PCDH9: variants seen among roughly 807,000 people sequenced by gnomAD.
The protein encoded by PCDH9 is protocadherin 9.
PCDH9 carries 24 observed loss-of-function variants against 70.6 expected under a neutral mutation model. The ratio of observed to expected loss-of-function variants is 0.34; its 90% CI spans 0.25 to 0.48. PCDH9 has a LOEUF of 0.48. PCDH9 is among the 20% of genes least tolerant of loss of function. The probability of loss-of-function intolerance (pLI) is 0.99; values close to 1 mark genes in which losing one functional copy is unlikely to be tolerated. For missense variants in PCDH9, 1,281 were observed against 1,503.6 expected (o/e 0.85, Z 2.45); for synonymous variants, 562 against 558.5 (o/e 1.01, Z -0.09).
At chr13:66,766,387 A>C (rs2079718526) in intron 3 of PCDH9, among the ~76,000 whole-genome samples, 1 of 152,030 alleles carries the variant, frequency 6.6e-6, no homozygotes, top group African/African-American at 2.4e-5. Flanking sequence ...TATAAGATAC[A>C]TCCAATCATT....
chr13:66,479,622 C>G (rs532819180), intron 4 of PCDH9, among the ~76,000 whole-genome samples: 1 of 150,464 alleles, frequency 6.6e-6, no homozygotes, highest in South Asian at 2.1e-4. Context: ...AATCAGCACT[C>G]TGTGTCTAGC....
chr13:67,141,454 A>T lies in PCDH9; in HGVS notation c.3036+83951T>A, dbSNP rs7337249. ...CTCTCTTTATTTTATTATTATTATT[A>T]TTTTTAGATGGAGTCTAGCTCTGTA... On this transcript the variant is annotated intron_variant, in intron 2 of 4. Coordinates refer to ENST00000377865, the MANE Select transcript of PCDH9 (RefSeq NM_203487.3). 6.7e-3 allele frequency among the ~76,000 whole-genome samples: 1,018 copies of T among 151,486 alleles called. 14 individuals carry two copies. The highest frequency in any genetic ancestry group is 0.023 in the African/African-American group (968 of 41,284).
chr13:66,588,889 C>G (rs1045542488), intron 4 of PCDH9, among the ~76,000 whole-genome samples: 8 of 150,044 alleles, frequency 5.3e-5, no homozygotes, highest in African/African-American at 1.7e-4. Flanking sequence ...ATTACGAGAA[C>G]TTTTTAAAAA....
intron 2 of PCDH9, among the ~76,000 whole-genome samples, chr13:67,099,198 G>A (rs141398294): frequency 6.6e-6 from 1 of 152,308 alleles, no homozygotes; most frequent in East Asian, 1.9e-4. Flanking sequence ...TTATCTTGAT[G>A]TTCCAGTTCT....
chr13:66,391,013 T>A (rs1375373182), intron 4 of PCDH9, among the ~76,000 whole-genome samples: 1 of 152,146 alleles, frequency 6.6e-6, no homozygotes, highest in East Asian at 1.9e-4. Flanking sequence ...TTTCAGTCCT[T>A]TTAGAAAATA....
intron 2 of PCDH9, among the ~76,000 whole-genome samples, chr13:66,942,180 A>G (rs575704142): frequency 1.3e-5 from 2 of 152,050 alleles, no homozygotes; most frequent in East Asian, 3.9e-4. Context: ...ACTTTTAGAA[A>G]CATTTATACC....
intron 3 of PCDH9, among the ~76,000 whole-genome samples, chr13:66,900,621 T>C (rs1003052671): frequency 6.6e-6 from 1 of 151,730 alleles, no homozygotes; most frequent in African/African-American, 2.4e-5. Context: ...AAATTAAGAG[T>C]GATAGGTTAA....
At chr13:66,360,823 T>C (rs759880110) in intron 4 of PCDH9, among the ~76,000 whole-genome samples, 3 of 152,026 alleles carry the variant, frequency 2.0e-5, no homozygotes, top group Non-Finnish European at 4.4e-5. Flanking sequence ...TTCTAACAGT[T>C]CTTTTAAGCT....
intron 3 of PCDH9, among the ~76,000 whole-genome samples, chr13:66,744,691 G>T (rs2079331272): frequency 6.6e-6 from 1 of 151,870 alleles, no homozygotes; most frequent in African/African-American, 2.4e-5. Flanking sequence ...ACACAAGAAA[G>T]AAATTCAGGT....
chr13:66,387,373 T>A (rs759679777), intron 4 of PCDH9, among the ~76,000 whole-genome samples: 5 of 152,062 alleles, frequency 3.3e-5, no homozygotes, highest in Non-Finnish European at 7.4e-5. Flanking sequence ...TCTGATATAG[T>A]TGGATATTTG....
At chr13:66,911,002 C>A (rs1212788460) in intron 2 of PCDH9, among the ~76,000 whole-genome samples, 1 of 152,054 alleles carries the variant, frequency 6.6e-6, no homozygotes, top group East Asian at 1.9e-4. Flanking sequence ...AGTTATATTC[C>A]CAAAATAAAT....
At chr13:66,687,746 T>TGG (rs2078424803) in intron 3 of PCDH9, among the ~76,000 whole-genome samples, 2 of 152,124 alleles carry the variant, frequency 1.3e-5, no homozygotes, top group African/African-American at 4.8e-5. Context: ...CCATATCTAC[T>TGG]GACACCACCA....
chr13:66,931,714 A>G (rs1254087545), intron 2 of PCDH9, among the ~76,000 whole-genome samples: 1 of 152,124 alleles, frequency 6.6e-6, no homozygotes, highest in African/African-American at 2.4e-5. Flanking sequence ...TGCCTGTGTC[A>G]AGTCCTCAAC....
intron 4 of PCDH9, among the ~76,000 whole-genome samples, chr13:66,469,577 C>A (rs1346463910): frequency 6.6e-6 from 1 of 152,070 alleles, no homozygotes; most frequent in Non-Finnish European, 1.5e-5. Context: ...TATTAACTTA[C>A]AAGCTATCCA....
At chr13:66,429,670 A>G (rs1452704208) in intron 4 of PCDH9, among the ~76,000 whole-genome samples, 1 of 151,894 alleles carries the variant, frequency 6.6e-6, no homozygotes, top group Admixed American at 6.6e-5. Context: ...AATGTCAGAA[A>G]GTAGAAAGAC....
chr13:66,314,191 T>C (rs768266307), intron 4 of PCDH9, among the ~76,000 whole-genome samples: 8 of 152,250 alleles, frequency 5.3e-5, no homozygotes, highest in Non-Finnish European at 1.2e-4. Flanking sequence ...AATCACACTT[T>C]GAAACGCAAG....
intron 2 of PCDH9, among the ~76,000 whole-genome samples, chr13:67,099,230 T>A (rs922695862): frequency 6.6e-5 from 10 of 152,188 alleles, no homozygotes; most frequent in Non-Finnish European, 1.5e-5. Context: ...ATAGAAAAAA[T>A]TATTAGAGAA....
chr13:67,059,353 TTA>T (rs200079260), intron 2 of PCDH9, among the ~76,000 whole-genome samples: 1,303 of 127,822 alleles, frequency 0.01, 24 homozygotes, highest in African/African-American at 0.035. Context: ...TATATATATA[TTA>T]TATATATATA....
chr13:67,195,869 T>A (rs1333449915), intron 2 of PCDH9, among the ~76,000 whole-genome samples: 2 of 152,286 alleles, frequency 1.3e-5, no homozygotes, highest in Middle Eastern at 3.4e-3. Context: ...GAGATCTCAC[T>A]GGAGTGATAA....
Sources: allele counts gnomAD v4.1 joint callset (sites outside exome capture counted in the v4.1 genomes callset), GRCh38; gene constraint gnomAD v4.1.1; transcripts MANE v1.5; gene names NCBI Gene and HGNC (gene_info 2026-07-23, HGNC 2026-07-21).